Variants in KIF6 observed in about 807,000 individuals in gnomAD.
KIF6 encodes the protein kinesin-like protein KIF6.
In KIF6, 106 loss-of-function variants were observed where a neutral mutation model predicts 112.7. That is an observed-to-expected ratio of 0.94 (90% CI 0.80 to 1.11). The LOEUF is 1.11. Among genes scored for constraint, KIF6 ranks in the 50% least tolerant of loss-of-function variants. The probability of loss-of-function intolerance (pLI) is 0.00; values close to 1 mark genes in which losing one functional copy is unlikely to be tolerated. For missense variants in KIF6, 929 were observed against 964.0 expected (o/e 0.96, Z 0.48); for synonymous variants, 339 against 339.9 (o/e 1.00, Z 0.03).
At position 39,345,802 on chromosome 6, in the gene KIF6, A is replaced by AC; in HGVS notation, c.2232-14_2232-13insG. On this transcript the variant is annotated splice_polypyrimidine_tract_variant and intron_variant, in intron 20 of 22. Transcript: ENST00000287152. The stretch of plus-strand genomic sequence containing the variant: ...GGCATTCACATCACTGCAAAACACA[A>AC]ACAAACAAAAGCAAAAGGAATGGGG... 6.2e-7 allele frequency: 1 copy of AC among 1,606,132 alleles called. No homozygotes were observed. The highest frequency in any genetic ancestry group is 8.5e-7 in the Non-Finnish European group (1 of 1,175,432).
chr6:39,572,571 A>G (rs1002469773), intron 10 of KIF6, among the ~76,000 whole-genome samples: 1 of 151,876 alleles, frequency 6.6e-6, no homozygotes, highest in Non-Finnish European at 1.5e-5. Context: ...TTCATCTCGG[A>G]AGTGAAACGT....
intron 9 of KIF6, among the ~76,000 whole-genome samples, chr6:39,579,502 C>T (rs1264306144): frequency 6.6e-6 from 1 of 151,846 alleles, no homozygotes; most frequent in African/African-American, 2.4e-5. Context: ...TGCAATGCAC[C>T]TGTTTTCTCT....
At chr6:39,535,535 C>G (rs1778367956) in intron 13 of KIF6, among the ~76,000 whole-genome samples, 1 of 152,126 alleles carries the variant, frequency 6.6e-6, no homozygotes, top group Non-Finnish European at 1.5e-5. Context: ...TATATGCAAC[C>G]AATACAGGAG....
At position 39,428,804 on chromosome 6, in the gene KIF6, T is replaced by C. The variant is rs562288505; in HGVS notation, c.1754+2249A>G. Among the ~76,000 whole-genome samples, 262 of 152,360 alleles carry C rather than the reference T, an allele frequency of 1.7e-3. 2 individuals carry two copies. Among genetic ancestry groups the C allele is most frequent in the African/African-American group, 5.8e-3 (240 of 41,594 alleles). On this transcript the variant is annotated intron_variant, in intron 14 of 22. Transcript: ENST00000287152. ...CTTTTAAGGTCTATGTTAATTGGTA[T>C]GCATACATCTAATCCATGACTCCCA...
chr6:39,467,005 G>C (rs1323062587), intron 13 of KIF6, among the ~76,000 whole-genome samples: 1 of 152,236 alleles, frequency 6.6e-6, no homozygotes, highest in African/African-American at 2.4e-5. Flanking sequence ...CCCACTGCCA[G>C]TTCCAGAGCA....
intron 6 of KIF6, among the ~76,000 whole-genome samples, chr6:39,597,888 G>A (rs938683114): frequency 1.3e-5 from 2 of 152,136 alleles, no homozygotes; most frequent in Admixed American, 6.5e-5. Flanking sequence ...GGACTCGGCC[G>A]GGTGTGGTGG....
At chr6:39,528,925 G>A (rs1301640403) in intron 13 of KIF6, among the ~76,000 whole-genome samples, 1 of 152,126 alleles carries the variant, frequency 6.6e-6, no homozygotes, top group Non-Finnish European at 1.5e-5. Flanking sequence ...AAGCTATCAT[G>A]AGTAAAAAGA....
intron 15 of KIF6, 83 bp from the exon 16 acceptor site, chr6:39,385,755 A>AC: frequency 2.0e-4 from 144 of 705,750 alleles, no homozygotes; most frequent in East Asian, 7.6e-4. Context: ...GGCAAGCTAC[A>AC]GAAAAAAAAA....
At chr6:39,482,037 C>CACACACACACAG (rs1774833765) in intron 13 of KIF6, among the ~76,000 whole-genome samples, 1 of 151,800 alleles carries the variant, frequency 6.6e-6, no homozygotes, top group East Asian at 1.9e-4. Flanking sequence ...CACACACACA[C>CACACACACACAG]ACACCCCACT....
At chr6:39,681,043 T>G (rs530557610) in intron 3 of KIF6, among the ~76,000 whole-genome samples, 1 of 152,216 alleles carries the variant, frequency 6.6e-6, no homozygotes, top group East Asian at 1.9e-4. Context: ...ATAAAAGTTC[T>G]TAATAAATGA....
chr6:39,712,932 C>T (rs1789641944), intron 3 of KIF6, among the ~76,000 whole-genome samples: 2 of 151,986 alleles, frequency 1.3e-5, no homozygotes, highest in African/African-American at 4.8e-5. Context: ...GCACATGTAC[C>T]CTAGAACTTA....
chr6:39,531,089 G>C (rs1489288632), intron 13 of KIF6, among the ~76,000 whole-genome samples: 1 of 151,722 alleles, frequency 6.6e-6, no homozygotes, highest in Non-Finnish European at 1.5e-5. Context: ...CATTCCATTT[G>C]TGAGCCTACC....
intron 15 of KIF6, among the ~76,000 whole-genome samples, chr6:39,397,141 GTT>G (rs1768333715): frequency 1.3e-5 from 2 of 148,472 alleles, no homozygotes; most frequent in African/African-American, 5.2e-5. Context: ...TACAAATTTA[GTT>G]TATCTTTACT....
chr6:39,560,456 C>T (rs1397981681), intron 10 of KIF6, among the ~76,000 whole-genome samples: 3 of 152,280 alleles, frequency 2.0e-5, no homozygotes, highest in South Asian at 2.1e-4. Context: ...GATCTGTTTA[C>T]GCATCTTTAA....
chr6:39,571,400 T>C (rs1481017338), intron 10 of KIF6, among the ~76,000 whole-genome samples: 1 of 152,200 alleles, frequency 6.6e-6, no homozygotes, highest in African/African-American at 2.4e-5. Flanking sequence ...ATCACATAAA[T>C]TCTTTCATGG....
intron 7 of KIF6, among the ~76,000 whole-genome samples, chr6:39,588,092 T>A (rs905091017): frequency 2.0e-5 from 3 of 152,364 alleles, no homozygotes; most frequent in Middle Eastern, 6.8e-3. Context: ...GTTTCTTTTT[T>A]CTTATTCCCA....
intron 3 of KIF6, among the ~76,000 whole-genome samples, chr6:39,647,741 C>T (rs1785240841): frequency 1.3e-5 from 2 of 148,568 alleles, no homozygotes; most frequent in Non-Finnish European, 3.0e-5. Context: ...GAGTCTCCCT[C>T]TGTCACCCAG....
In KIF6 at chr6:39,565,365, G is replaced by A. The variant is rs546624123; in HGVS notation, c.1181+12691C>T. ...AGGCACCAGGCTTTATGATTCTTCT[G>A]CTTCTTTGACAGCTCTAGCAAAGTA... On this transcript the variant is annotated intron_variant, in intron 10 of 22. Coordinates refer to ENST00000287152, the MANE Select transcript of KIF6 (RefSeq NM_145027.6). Among the ~76,000 whole-genome samples the A allele has an allele frequency of 2.6e-5, 4 of 152,138 alleles. No homozygotes were observed. In the South Asian group the frequency reaches 6.2e-4, roughly 24 times the overall value.
At chr6:39,447,781 A>T (rs1772422367) in intron 13 of KIF6, among the ~76,000 whole-genome samples, 1 of 151,994 alleles carries the variant, frequency 6.6e-6, no homozygotes, top group Non-Finnish European at 1.5e-5. Context: ...CAATTCCCCC[A>T]CTTCCTGTTC....
Sources: gnomAD v4.1 joint callset for allele counts (sites outside exome capture counted in the v4.1 genomes callset) on GRCh38, gnomAD v4.1.1 for gene constraint, MANE v1.5 for transcripts, NCBI Gene and HGNC (gene_info 2026-07-23, HGNC 2026-07-21) for gene names.